The following CCDC57 variants were observed in gnomAD, a reference collection of about 807,000 sequenced individuals.
The protein encoded by CCDC57 is coiled-coil domain-containing protein 57.
In CCDC57, 118 loss-of-function variants were observed where a neutral mutation model predicts 118.9. The ratio of observed to expected loss-of-function variants is 0.99; its 90% confidence interval spans 0.86 to 1.16. The LOEUF (loss-of-function observed/expected upper bound fraction) is 1.16. Ranked by LOEUF, CCDC57 falls within the 50% of genes most tolerant of loss-of-function variation. The probability of loss-of-function intolerance (pLI) is 0.00; values close to 1 mark genes in which losing one functional copy is unlikely to be tolerated. For missense variants in CCDC57, 1,300 were observed against 1,320.7 expected (o/e 0.98, Z 0.24); for synonymous variants, 527 against 532.9 (o/e 0.99, Z 0.15).
intron 19 of CCDC57, chr17:82,104,914 C>T (rs918830882): frequency 1.0e-4 from 16 of 152,384 alleles, no homozygotes; most frequent in Admixed American, 7.8e-4. Flanking sequence ...CCCTCACTCC[C>T]GTCTCAGCCT....
At chr17:82,106,992 T>C (rs1184876718) in intron 19 of CCDC57, among the ~76,000 whole-genome samples, 1 of 152,148 alleles carries the variant, frequency 6.6e-6, no homozygotes, top group Non-Finnish European at 1.5e-5. Flanking sequence ...TGCCACTCAC[T>C]TTGCCTGAGA....
intron 11 of CCDC57, among the ~76,000 whole-genome samples, chr17:82,174,047 C>T (rs2045133444): frequency 1.3e-5 from 2 of 152,234 alleles, no homozygotes; most frequent in African/African-American, 4.8e-5. Context: ...GAAACAAAGT[C>T]CCAGGGTCTG....
chr17:82,114,714 C>T (rs2035628304), intron 19 of CCDC57, among the ~76,000 whole-genome samples: 1 of 152,234 alleles, frequency 6.6e-6, no homozygotes, highest in African/African-American at 2.4e-5. Flanking sequence ...ACTCCACCCC[C>T]AGGCGTGGTC....
intron 14 of CCDC57, among the ~76,000 whole-genome samples, chr17:82,158,820 A>C (rs565303465): frequency 1.3e-5 from 2 of 151,764 alleles, no homozygotes; most frequent in African/African-American, 4.8e-5. Context: ...AGCCTCCCAA[A>C]GTGTTGGGAT....
At chr17:82,157,575 G>T (rs2042828202) in intron 15 of CCDC57, 173 bp downstream of exon 14, 4 of 1,435,276 alleles carry the variant, frequency 2.8e-6, no homozygotes, top group Non-Finnish European at 3.6e-6. Flanking sequence ...GAAGGCGGAG[G>T]AATGGGGAGA....
intron 19 of CCDC57, among the ~76,000 whole-genome samples, chr17:82,111,717 G>C (rs530006399): frequency 7.6e-5 from 11 of 144,876 alleles, no homozygotes; most frequent in Non-Finnish European, 1.5e-4. Flanking sequence ...AGTGATTCTC[G>C]TGCCTCAGCC....
At chr17:82,161,374 C>T (rs968207155) in intron 14 of CCDC57, among the ~76,000 whole-genome samples, 3 of 152,110 alleles carry the variant, frequency 2.0e-5, no homozygotes, top group East Asian at 1.9e-4. Context: ...ACAGGGTGAC[C>T]GTCTGACAGA....
At chr17:82,169,395 C>T (rs1317658322) in intron 13 of CCDC57, among the ~76,000 whole-genome samples, 1 of 152,214 alleles carries the variant, frequency 6.6e-6, no homozygotes, top group Non-Finnish European at 1.5e-5. Context: ...TCCCAAAGTG[C>T]TGGGATTACA....
intron 8 of CCDC57, among the ~76,000 whole-genome samples, chr17:82,186,582 A>C (rs963351808): frequency 6.6e-6 from 1 of 152,146 alleles, no homozygotes; most frequent in South Asian, 2.1e-4. Context: ...TATCCTGAAT[A>C]AGCCCTTAAC....
In CCDC57 at chr17:82,212,038, G is replaced by A. The variant is rs1202578534; in HGVS notation, c.-211+747C>T. On this transcript the variant is annotated intron_variant, in intron 1 of 19. Transcript: ENST00000665763. The surrounding 1 kb of genome is among the most constrained non-coding windows in gnomAD (Gnocchi z 4.1). ...GCCTCCCCTCCTCTATTTAGACCAA[G>A]GTATCAAAAGAAATCTAGCCCCTTC... is the stretch of plus-strand genomic sequence containing the variant. 6.6e-6 allele frequency among the ~76,000 whole-genome samples: 1 copy of A among 152,156 alleles called. No individual in the cohort carries two copies. Among genetic ancestry groups the A allele is most frequent in the Middle Eastern group, 3.2e-3 (1 of 316 alleles).
At chr17:82,204,206 G>A (rs1240675135) in intron 2 of CCDC57, among the ~76,000 whole-genome samples, 1 of 152,076 alleles carries the variant, frequency 6.6e-6, no homozygotes, top group Non-Finnish European at 1.5e-5. Flanking sequence ...CACGCCACCT[G>A]GACCACCTCA....
chr17:82,192,357 T>C lies in CCDC57; in HGVS notation c.851+1399A>G, dbSNP rs1353747724. On this transcript the variant is annotated intron_variant, in intron 7 of 19. Coordinates refer to ENST00000665763, the Ensembl canonical transcript of CCDC57. This position sits in a 1 kb window ranked among gnomAD's most constrained non-coding sequence, Gnocchi z 4.0. ...CAATGTGTGTTAATGAACTGTGTTATCAGTAAGGCTTCTGGTCAACAGTAG... is the reference window on the plus strand; with the variant it reads ...CAATGTGTGTTAATGAACTGTGTTACCAGTAAGGCTTCTGGTCAACAGTAG... Among the ~76,000 whole-genome samples the C allele has an allele frequency of 1.3e-5, 2 of 152,214 alleles. No homozygotes were observed. Among genetic ancestry groups the C allele is most frequent in the Non-Finnish European group, 2.9e-5 (2 of 68,048 alleles).
At chr17:82,189,766 T>C (rs1418523898) in intron 7 of CCDC57, among the ~76,000 whole-genome samples, 2 of 152,072 alleles carry the variant, frequency 1.3e-5, no homozygotes, top group African/African-American at 4.8e-5. Flanking sequence ...GGCAGGAGAA[T>C]TGCTCGAACC....
At chr17:82,105,597 A>G (rs1167167988) in intron 19 of CCDC57, among the ~76,000 whole-genome samples, 2 of 151,876 alleles carry the variant, frequency 1.3e-5, no homozygotes, top group Non-Finnish European at 2.9e-5. Context: ...AAAGTCTCCT[A>G]ATGGACACCC....
chr17:82,170,563 G>A (rs35131307), intron 13 of CCDC57, among the ~76,000 whole-genome samples: 68,935 of 148,914 alleles, frequency 0.46, 16,791 homozygotes, highest in East Asian at 0.88. Flanking sequence ...CAGCGGGGGA[G>A]GAGTCACGTG....
exon 16 of CCDC57, chr17:82,151,592 T>C (rs909437900): frequency 1.3e-6 from 2 of 1,550,234 alleles, no homozygotes; most frequent in Non-Finnish European, 1.7e-6. Context: ...ACGGAGCCTG[T>C]TCCCCATCTC....
intron 19 of CCDC57, chr17:82,127,445 G>A (rs902348810): frequency 1.8e-5 from 18 of 976,102 alleles, no homozygotes; most frequent in Non-Finnish European, 2.2e-5. Flanking sequence ...GTCAGTGTGC[G>A]CCCGGGTGTA....
At chr17:82,106,611 G>A (rs1207038204) in intron 19 of CCDC57, 1 of 152,390 alleles carries the variant, frequency 6.6e-6, no homozygotes, top group African/African-American at 2.4e-5. Context: ...GGCAGCGGCT[G>A]AGCTGGGGCG....
At chr17:82,141,374 G>C (rs1239090800) in intron 16 of CCDC57, among the ~76,000 whole-genome samples, 7 of 152,304 alleles carry the variant, frequency 4.6e-5, no homozygotes, top group African/African-American at 1.7e-4. Flanking sequence ...AGTAGAGACA[G>C]GGTTTTGCCA....
Sources: allele counts gnomAD v4.1 joint callset (sites outside exome capture counted in the v4.1 genomes callset), GRCh38; gene constraint gnomAD v4.1.1; non-coding constraint Gnocchi (gnomAD v3.1); transcripts MANE v1.5; gene names NCBI Gene and HGNC (gene_info 2026-07-23, HGNC 2026-07-21).